The following PLIN4 variants were observed in gnomAD, a reference collection of about 807,000 sequenced individuals.
PLIN4 encodes the protein perilipin 4, also known as perilipin-4.
PLIN4 carries 57 observed loss-of-function variants against 52.4 expected under a neutral mutation model. That is an observed-to-expected ratio of 1.09 (90% CI 0.88 to 1.36). The LOEUF (loss-of-function observed/expected upper bound fraction) is 1.36, where lower values mean the gene tolerates loss of function less well. PLIN4 is among the 40% of genes most tolerant of loss of function. The pLI, the probability that PLIN4 is intolerant of heterozygous loss-of-function variation, is 0.00. For synonymous variants in PLIN4, 826 were observed against 785.4 expected, an observed-to-expected ratio of 1.05 and a Z score of -0.86; for missense variants, 1,757 against 1,770.3, an observed-to-expected ratio of 0.99 and a Z score of 0.13.
chr19:4,504,333 C>T lies in PLIN4; in HGVS notation c.*126G>A. On this transcript the variant is annotated 3_prime_UTR_variant, in exon 8 of 8. Transcript: ENST00000301286. ...CCGCAGCCCCTCGGCGCTCAGCCAGCTGCAGCCCCAAAGGTCTAGGGCTTT... is the reference window on the plus strand; with the variant it reads ...CCGCAGCCCCTCGGCGCTCAGCCAGTTGCAGCCCCAAAGGTCTAGGGCTTT... The T allele has an allele frequency of 1.0e-6, 1 of 1,000,394 alleles. No individual in the cohort carries two copies. Among genetic ancestry groups the T allele is most frequent in the Non-Finnish European group, 1.4e-6 (1 of 712,256 alleles). 62.0% of individuals were successfully genotyped at this position (1,000,394 alleles called of 1,614,324 possible).
chr19:4,504,332 G>T lies in PLIN4; in HGVS notation c.*127C>A. 1.0e-6 allele frequency: 1 copy of T among 994,384 alleles called. No individual in the cohort carries two copies. Among genetic ancestry groups the T allele is most frequent in the Non-Finnish European group, 1.4e-6 (1 of 706,706 alleles). 61.6% of individuals were successfully genotyped at this position (994,384 alleles called of 1,614,324 possible). ...TCCGCAGCCCCTCGGCGCTCAGCCA[G>T]CTGCAGCCCCAAAGGTCTAGGGCTT... On this transcript the variant is annotated 3_prime_UTR_variant, in exon 8 of 8. Coordinates refer to ENST00000301286, the MANE Select transcript of PLIN4 (RefSeq NM_001367868.2).
At chr19:4,510,005 A>G (rs749489834) in intron 5 of PLIN4, among the ~76,000 whole-genome samples, 33 of 152,052 alleles carry the variant, frequency 2.2e-4, no homozygotes, top group Non-Finnish European at 3.7e-4. Flanking sequence ...CACAAGCTTG[A>G]GACCAGCCTG....
chr19:4,513,724 G>A (rs1388470739), intron 4 of PLIN4, 23 bp from the exon 5 acceptor site: 2 of 1,551,232 alleles, frequency 1.3e-6, no homozygotes, highest in Admixed American at 1.9e-5. Context: ...GACACAGGTG[G>A]ATCAAGAGAA....
Position 4,518,258 on chromosome 19 carries a change from G to T in PLIN4, c.15C>A (p.Asp5Glu). MSAPDEGRRDPPKPK... is the reference protein window; with the variant it reads MSAPEEGRRDPPKPK... The stretch of plus-strand genomic sequence containing the variant: ...GTTTGGGGGGATCCCGTCTCCCTTC[G>T]TCTGGAGCAGACATAGTGAGAACGT... The change falls in exon 2 of 8, where the codon GAC (aspartate) becomes GAA (glutamate). Residue 5 changes from aspartate to glutamate, a missense_variant. By Grantham distance (45) the Asp-to-Glu change is conservative. This residue lies in a region of PLIN4 where 332 missense variants were observed against 310.8 expected (regional missense o/e 1.07). Transcript: ENST00000301286. The T allele has an allele frequency of 8.1e-7, 1 of 1,232,916 alleles. No homozygotes were observed. Among genetic ancestry groups the T allele is most frequent in the Non-Finnish European group, 1.0e-6 (1 of 988,636 alleles). The allele number at this position is 1,232,916 out of a possible 1,614,324, so 76.4% of individuals were successfully genotyped here.
At chr19:4,505,697 G>A (rs908127346) in intron 6 of PLIN4, among the ~76,000 whole-genome samples, 1 of 152,118 alleles carries the variant, frequency 6.6e-6, no homozygotes, top group Non-Finnish European at 1.5e-5. Flanking sequence ...GGCTGGTAGG[G>A]ATGCGGCACG....
In PLIN4 at chr19:4,511,053, C is replaced by T. The variant is rs749086578; in HGVS notation, c.2907G>A (p.Thr969=). Residue 969 remains threonine, a synonymous_variant, in exon 5 of 8, where the codon ACG becomes ACA. Coordinates refer to ENST00000301286, the MANE Select transcript of PLIN4 (RefSeq NM_001367868.2). ...GAKDAVTTGV[T]GAVNVAKGTV... Reference sequence around the variant, plus strand: ...TTCCTTTGGCCACATTCACTGCCCCCGTGACTCCAGTAGTCACTGCATCCT... The same window carrying T: ...TTCCTTTGGCCACATTCACTGCCCCTGTGACTCCAGTAGTCACTGCATCCT... 2.0e-5 allele frequency: 32 copies of T among 1,613,380 alleles called. No homozygotes were observed. The highest frequency in any genetic ancestry group is 8.9e-5 in the East Asian group (4 of 44,870).
chr19:4,506,674 G>A (rs1358747202), intron 6 of PLIN4, among the ~76,000 whole-genome samples: 10 of 152,214 alleles, frequency 6.6e-5, no homozygotes, highest in Non-Finnish European at 1.3e-4. Context: ...TTCTCTTCCT[G>A]TGGCCTCCTT....
Position 4,510,635 on chromosome 19 carries a change from C to G in PLIN4, c.3325G>C (p.Ala1109Pro). Residue 1109 changes from alanine (A) to proline (P), a missense_variant, in exon 5 of 8, where the codon GCC becomes CCC. Ala to Pro is a conservative substitution (Grantham distance 27). Coordinates refer to ENST00000301286, the MANE Select transcript of PLIN4 (RefSeq NM_001367868.2). ...LSVGPEPAWEAAATTKGLATD... is the reference protein window; with the variant it reads ...LSVGPEPAWEPAATTKGLATD... Reference sequence around the variant, plus strand: ...GCAAGGCCCTTGGTAGTGGCTGCGGCTTCCCAGGCAGGCTCCGGGCCTACA... The same window carrying G: ...GCAAGGCCCTTGGTAGTGGCTGCGGGTTCCCAGGCAGGCTCCGGGCCTACA... The G allele has an allele frequency of 6.6e-7, 1 of 1,506,918 alleles. No individual in the cohort carries two copies. Among genetic ancestry groups the G allele is most frequent in the South Asian group, 1.3e-5 (1 of 74,082 alleles). 93.3% of individuals were successfully genotyped at this position (1,506,918 alleles called of 1,614,324 possible).
intron 4 of PLIN4, among the ~76,000 whole-genome samples, 188 bp downstream of exon 4, chr19:4,516,429 A>T (rs1340692244): frequency 6.6e-6 from 1 of 152,148 alleles, no homozygotes; most frequent in African/African-American, 2.4e-5. Context: ...AGAGGCTCAG[A>T]GGGGAAGCTC....
intron 4 of PLIN4, among the ~76,000 whole-genome samples, chr19:4,514,682 C>T (rs8107920): frequency 0.01 from 1,536 of 151,636 alleles, 31 homozygotes; most frequent in African/African-American, 0.036. Context: ...GAGCCGAGAT[C>T]GCGCCACTGC....
At chr19:4,516,727 C>G in intron 3 of PLIN4, 49 bp from the exon 4 acceptor site, 1 of 1,499,704 alleles carries the variant, frequency 6.7e-7, no homozygotes, top group Non-Finnish European at 8.9e-7. Flanking sequence ...CAGTTAGAAC[C>G]ATCTACCCGG....
Position 4,512,419 on chromosome 19 carries a change from T to A in PLIN4, c.1541A>T (p.Lys514Ile), listed in dbSNP as rs1976425100. The A allele has an allele frequency of 3.1e-6, 5 of 1,606,876 alleles. 1 individual carries two copies. The highest frequency in any genetic ancestry group is 3.3e-4 in the Middle Eastern group (2 of 6,040). The change falls in exon 5 of 8, where the codon AAA becomes ATA. Residue 514 changes from lysine (K) to isoleucine (I), a missense_variant. Coordinates refer to ENST00000301286, the MANE Select transcript of PLIN4 (RefSeq NM_001367868.2). ...GTCTACGCCGGTCTGGACGGTCCCT[T>A]TGGCCACGTTCACAGCCCCTGTGAG... ...TGLTGAVNVA[K>I]GTVQTGVDTT...
chr19:4,507,141 A>G (rs947889471), intron 6 of PLIN4, among the ~76,000 whole-genome samples: 3 of 152,242 alleles, frequency 2.0e-5, no homozygotes, highest in Admixed American at 6.5e-5. Context: ...TAGACCCTCA[A>G]ACTGCGGCTT....
Position 4,512,684 on chromosome 19 carries a change from G to A in PLIN4, c.1276C>T (p.Gln426Ter), listed in dbSNP as rs768903499. Residue 426 changes from glutamine to a stop codon, truncating the protein, a stop_gained, in exon 5 of 8, where the codon CAA (glutamine) becomes TAA (stop). Coordinates refer to ENST00000301286, the MANE Select transcript of PLIN4 (RefSeq NM_001367868.2). LOFTEE classifies it high-confidence loss of function. ...TCCTTTGTACCTGTTGCGATATTTTGGGTTGTGTTCAGCCCAGTTTGCATG... is the reference window on the plus strand; with the variant it reads ...TCCTTTGTACCTGTTGCGATATTTTAGGTTGTGTTCAGCCCAGTTTGCATG... ...GAMQTGLNTT[Q>*]NIATGTKDTV... The A allele has an allele frequency of 1.3e-6, 2 of 1,505,756 alleles. No homozygotes were observed. The highest frequency in any genetic ancestry group is 1.8e-6 in the Non-Finnish European group (2 of 1,135,982). The allele number at this position is 1,505,756 out of a possible 1,614,324, so 93.3% of individuals were successfully genotyped here.
chr19:4,510,383 A>T, intron 5 of PLIN4, 63 bp downstream of exon 5: 1 of 1,310,840 alleles, frequency 7.6e-7, no homozygotes. Flanking sequence ...AAAACAAAAC[A>T]GTCAAGGACC....
intron 5 of PLIN4, 50 bp downstream of exon 5, chr19:4,510,396 C>G (rs1409672004): frequency 8.1e-6 from 11 of 1,356,492 alleles, no homozygotes; most frequent in Non-Finnish European, 1.0e-5. Flanking sequence ...CAAGGACCTG[C>G]TAGCAGCTGT....
rs894702340 is a variant in PLIN4 at position 4,502,458 on chromosome 19, G to C, written c.*2001C>G. The C allele has an allele frequency of 1.3e-5, 4 of 316,184 alleles. No individual in the cohort carries two copies. The highest frequency in any genetic ancestry group is 1.0e-4 in the Admixed American group (2 of 19,734). 19.6% of individuals were successfully genotyped at this position (316,184 alleles called of 1,614,324 possible). A position where few individuals can be genotyped will look rare whatever the true frequency, so the allele number is the denominator to read the frequency against. On this transcript the variant is annotated 3_prime_UTR_variant, in exon 8 of 8. Transcript: ENST00000301286. ...AGGGCATCTAAGCTGTGCTGCCTGC[G>C]CCCTGCCCCGCACCCACGAGGCTGG... is the stretch of plus-strand genomic sequence containing the variant.
rs1976448940 is a variant in PLIN4 at position 4,512,705 on chromosome 19, G to C, written c.1255C>G (p.Gln419Glu). The C allele has an allele frequency of 6.4e-7, 1 of 1,555,424 alleles. No homozygotes were observed. The highest frequency in any genetic ancestry group is 2.2e-5 in the East Asian group (1 of 44,652). The change falls in exon 5 of 8, where the codon CAA becomes GAA. Residue 419 changes from glutamine to glutamate, a missense_variant. Physicochemically the swap from Gln to Glu is conservative, Grantham distance 29. Around this residue, in one of 7 missense-constraint regions of PLIN4, gnomAD observed 439 missense variants for 406.4 expected, o/e 1.08. Coordinates refer to ENST00000301286, the MANE Select transcript of PLIN4 (RefSeq NM_001367868.2). ...TTTTGGGTTGTGTTCAGCCCAGTTT[G>C]CATGGCCCCCTTGGCCACATTCGCT... is the stretch of plus-strand genomic sequence containing the variant. ...GAANVAKGAM[Q>E]TGLNTTQNIA...
Position 4,508,767 on chromosome 19 carries a change from C to T in PLIN4, c.3702+1G>A, listed in dbSNP as rs111699328. 6.3e-7 allele frequency: 1 copy of T among 1,576,458 alleles called. No individual in the cohort carries two copies. Among genetic ancestry groups the T allele is most frequent in the Non-Finnish European group, 8.6e-7 (1 of 1,161,720 alleles). ...GGGCAGCAGCAGGGGGAAGCTCTTA[C>T]CAGCCTGAAGCAGTCCTGGAGCTGG... On this transcript the variant is annotated splice_donor_variant, in intron 6 of 7. Coordinates refer to ENST00000301286, the MANE Select transcript of PLIN4 (RefSeq NM_001367868.2). LOFTEE classifies it high-confidence loss of function.
Sources: allele counts gnomAD v4.1 joint callset (sites outside exome capture counted in the v4.1 genomes callset), GRCh38; gene constraint gnomAD v4.1.1; regional missense constraint gnomAD v4.1.1; transcripts MANE v1.5; gene names NCBI Gene and HGNC (gene_info 2026-07-23, HGNC 2026-07-21).